Variants in CUX1 observed in about 807,000 individuals in gnomAD.
The protein encoded by CUX1 is protein CASP.
In CUX1, 31 loss-of-function variants were observed where a neutral mutation model predicts 158.8. The observed-to-expected ratio is 0.20, with a 90% CI of 0.15 to 0.26. The LOEUF (loss-of-function observed/expected upper bound fraction) is 0.26. CUX1 is among the 10% of genes least tolerant of loss of function. The probability of loss-of-function intolerance (pLI) is 1.00; values close to 1 mark genes in which losing one functional copy is unlikely to be tolerated. For synonymous variants in CUX1, 879 were observed against 862.1 expected (o/e 1.02, Z -0.34); for missense variants, 1,589 against 2,014.6 (o/e 0.79, Z 4.04).
intron 3 of CUX1, among the ~76,000 whole-genome samples, chr7:102,036,483 T>C (rs570694051): frequency 2.9e-4 from 44 of 152,096 alleles, no homozygotes; most frequent in African/African-American, 1.0e-3. Flanking sequence ...CTCTTACCCG[T>C]AATCCCAGCA....
At chr7:101,895,908 GTTTTTT>G (rs869038068) in intron 1 of CUX1, among the ~76,000 whole-genome samples, 6 of 93,984 alleles carry the variant, frequency 6.4e-5, no homozygotes, top group African/African-American at 2.8e-4. Flanking sequence ...TTTTGTTTTT[GTTTTTT>G]TTTTTTTTTT....
intron 1 of CUX1, among the ~76,000 whole-genome samples, chr7:101,882,719 G>A (rs1799841866): frequency 1.3e-5 from 2 of 152,144 alleles, no homozygotes; most frequent in African/African-American, 4.8e-5. Flanking sequence ...TTCCAGAGGG[G>A]CCAACACAGG....
chr7:102,030,691 G>GT lies in CUX1; in HGVS notation c.189+2558dup, dbSNP rs71119801. Among the ~76,000 whole-genome samples, 323 of 119,110 alleles carry GT rather than the reference G, an allele frequency of 2.7e-3. 1 individual carries two copies. Among genetic ancestry groups the GT allele is most frequent in the Middle Eastern group, 5.2e-3 (1 of 194 alleles). The allele number at this position is 119,110 out of a possible 152,430, so 78.1% of individuals were successfully genotyped here. A position where few individuals can be genotyped will look rare whatever the true frequency, so the allele number is the denominator to read the frequency against. On this transcript the variant is annotated intron_variant, in intron 3 of 23. Transcript: ENST00000292535. The stretch of plus-strand genomic sequence containing the variant: ...TATCTAATTTTCTATTTTAAAAAGT[G>GT]TTTTTTTTTTTTGAGACAGGGTCTC...
chr7:101,981,307 G>A (rs904652689), intron 2 of CUX1, among the ~76,000 whole-genome samples: 4 of 152,194 alleles, frequency 2.6e-5, no homozygotes, highest in African/African-American at 9.6e-5. Context: ...TGCCGCATGA[G>A]GATGTAAGTT....
At chr7:102,214,655 G>GC (rs1319580151) in intron 20 of CUX1, among the ~76,000 whole-genome samples, 7 of 152,306 alleles carry the variant, frequency 4.6e-5, no homozygotes, top group African/African-American at 1.4e-4. Context: ...AGCTGTCACG[G>GC]CCCCCCGGAG....
At chr7:101,884,868 C>T (rs1800067500) in intron 1 of CUX1, among the ~76,000 whole-genome samples, 1 of 152,130 alleles carries the variant, frequency 6.6e-6, no homozygotes, top group South Asian at 2.1e-4. Flanking sequence ...CCCTTGCCTT[C>T]TGGAATCCCC....
downstream of CUX1, among the ~76,000 whole-genome samples, chr7:102,260,336 A>G (rs1554543485): frequency 6.7e-6 from 1 of 150,202 alleles, no homozygotes; most frequent in Admixed American, 6.6e-5. Context: ...AGATCCACCC[A>G]CCTGGTTCTC....
chr7:102,240,475 C>G (rs562849681), intron 23 of CUX1, among the ~76,000 whole-genome samples: 1 of 152,032 alleles, frequency 6.6e-6, no homozygotes, highest in South Asian at 2.1e-4. Context: ...CCAAGCTGGT[C>G]TCAAACTCCT....
chr7:101,907,220 A>G (rs1032085031), intron 1 of CUX1, among the ~76,000 whole-genome samples: 1 of 152,270 alleles, frequency 6.6e-6, no homozygotes, highest in Non-Finnish European at 1.5e-5. Flanking sequence ...GAAGAGAACA[A>G]AATGAATTTT....
intron 2 of CUX1, among the ~76,000 whole-genome samples, chr7:101,966,886 G>C (rs2129184463): frequency 6.6e-6 from 1 of 152,288 alleles, no homozygotes; most frequent in South Asian, 2.1e-4. Flanking sequence ...GAACAAGCAG[G>C]GGGCTTCTGC....
At chr7:102,212,246 C>A (rs1401472204) in intron 20 of CUX1, among the ~76,000 whole-genome samples, 2 of 152,188 alleles carry the variant, frequency 1.3e-5, no homozygotes, top group African/African-American at 4.8e-5. Context: ...TCAGGGGCAG[C>A]CAGTGCTGAG....
intron 7 of CUX1, among the ~76,000 whole-genome samples, chr7:102,112,466 C>T (rs1259955821): frequency 6.6e-6 from 1 of 152,192 alleles, no homozygotes; most frequent in African/African-American, 2.4e-5. Flanking sequence ...TGGTCTCGAT[C>T]TCTTGACCTC....
intron 8 of CUX1, among the ~76,000 whole-genome samples, chr7:102,149,499 C>T (rs550748626): frequency 3.3e-5 from 5 of 151,456 alleles, no homozygotes; most frequent in African/African-American, 4.9e-5. Context: ...AGCGCCACTA[C>T]GCCATTGCCC....
intron 1 of CUX1, among the ~76,000 whole-genome samples, chr7:101,894,376 C>T (rs1584907011): frequency 1.3e-5 from 2 of 152,328 alleles, no homozygotes; most frequent in South Asian, 2.1e-4. Context: ...TGCAGCGGCA[C>T]GATCTCGGCT....
At chr7:102,075,266 G>C (rs403883) in intron 4 of CUX1, among the ~76,000 whole-genome samples, 1 of 152,122 alleles carries the variant, frequency 6.6e-6, no homozygotes, top group East Asian at 1.9e-4. Flanking sequence ...GCAGTTCACG[G>C]TGGCATGAGT....
chr7:102,026,369 A>G (rs1318482749), intron 2 of CUX1, among the ~76,000 whole-genome samples: 1 of 152,214 alleles, frequency 6.6e-6, no homozygotes, highest in African/African-American at 2.4e-5. Flanking sequence ...ATTTAAATAT[A>G]AATAAGCACA....
chr7:102,138,807 C>A (rs1834158759), intron 8 of CUX1, among the ~76,000 whole-genome samples: 1 of 152,164 alleles, frequency 6.6e-6, no homozygotes, highest in African/African-American at 2.4e-5. Flanking sequence ...ATCCTTTATT[C>A]CCTAGCATAT....
chr7:101,913,924 T>G (rs1584962398), intron 1 of CUX1, among the ~76,000 whole-genome samples: 1 of 152,330 alleles, frequency 6.6e-6, no homozygotes, highest in Non-Finnish European at 1.5e-5. Context: ...CTTCGGCTGC[T>G]GCTGCTTAAA....
At chr7:101,818,499 C>T (rs1423707716) in intron 1 of CUX1, among the ~76,000 whole-genome samples, 1 of 152,218 alleles carries the variant, frequency 6.6e-6, no homozygotes, top group African/African-American at 2.4e-5. Flanking sequence ...TCCTGTCCCC[C>T]ATATTAGCTA....
Sources: allele counts gnomAD v4.1 joint callset (sites outside exome capture counted in the v4.1 genomes callset), GRCh38; gene constraint gnomAD v4.1.1; transcripts MANE v1.5; gene names NCBI Gene and HGNC (gene_info 2026-07-23, HGNC 2026-07-21).